The following CCSER1 variants were observed in gnomAD, a reference collection of about 807,000 sequenced individuals.
CCSER1 encodes the protein coiled-coil serine rich protein 1.
In CCSER1, 41 loss-of-function variants were observed where a neutral mutation model predicts 82.0. The observed-to-expected ratio is 0.50, with a 90% CI of 0.39 to 0.65. CCSER1 has a LOEUF of 0.65. Among genes scored for constraint, CCSER1 ranks in the 30% least tolerant of loss-of-function variants. The pLI is 0.00. For synonymous variants in CCSER1, 414 were observed against 383.9 expected (o/e 1.08, Z -0.92); for missense variants, 1,119 against 1,064.2 (o/e 1.05, Z -0.72).
intron 10 of CCSER1, among the ~76,000 whole-genome samples, chr4:91,591,259 A>G (rs1764256902): frequency 6.6e-6 from 1 of 152,162 alleles, no homozygotes; most frequent in Non-Finnish European, 1.5e-5. Flanking sequence ...ATAAATTTCA[A>G]TATTTTATTC....
chr4:91,229,595 T>C (rs62311974), intron 10 of CCSER1, among the ~76,000 whole-genome samples: 5,640 of 152,100 alleles, frequency 0.037, 174 homozygotes, highest in African/African-American at 0.079. Context: ...CAAATGCCCA[T>C]CAATGATAGA....
intron 8 of CCSER1, among the ~76,000 whole-genome samples, chr4:90,863,046 A>G (rs909970852): frequency 6.6e-6 from 1 of 150,486 alleles, no homozygotes; most frequent in Non-Finnish European, 1.5e-5. Context: ...CCATTAACTC[A>G]TCATTTAGCA....
intron 3 of CCSER1, among the ~76,000 whole-genome samples, chr4:90,361,662 G>T (rs1442843140): frequency 6.6e-6 from 1 of 152,150 alleles, no homozygotes; most frequent in Non-Finnish European, 1.5e-5. Flanking sequence ...TTTGCCTCTC[G>T]TCTAGCAGTC....
chr4:90,946,504 G>A (rs1051563285), intron 9 of CCSER1, among the ~76,000 whole-genome samples: 1 of 151,710 alleles, frequency 6.6e-6, no homozygotes, highest in Non-Finnish European at 1.5e-5. Context: ...GGTTCCAGGC[G>A]CCTCTAATCC....
intron 5 of CCSER1, among the ~76,000 whole-genome samples, chr4:90,490,113 G>T (rs905391830): frequency 1.3e-5 from 2 of 152,144 alleles, no homozygotes; most frequent in Non-Finnish European, 2.9e-5. Flanking sequence ...TTCCACAATG[G>T]TTGAACCAGT....
At chr4:90,876,290 C>G (rs1465060263) in intron 8 of CCSER1, among the ~76,000 whole-genome samples, 1 of 151,912 alleles carries the variant, frequency 6.6e-6, no homozygotes, top group Admixed American at 6.6e-5. Context: ...AATTTTTATT[C>G]TAACTCCAAG....
rs931731745 is a variant in CCSER1 at position 91,598,976 on chromosome 4, C to T, written c.2622C>T (p.His874=). The T allele has an allele frequency of 3.8e-5, 59 of 1,551,424 alleles. No individual in the cohort carries two copies. In the Admixed American group the frequency reaches 1.0e-3, roughly 27 times the overall value. ...GQPPRGPISL[H]MYSRKNVFLH... is the part of the protein sequence containing the mutation. The stretch of plus-strand genomic sequence containing the variant: ...CACCCAGAGGGCCAATCTCTTTACA[C>T]ATGTACAGCAGGAAGAATGTGTTTC... The change falls in exon 11 of 11, where the codon CAC becomes CAT. Residue 874 remains histidine (H), a synonymous_variant. Transcript: ENST00000509176.
chr4:90,155,577 G>A (rs1344559718), intron 1 of CCSER1, among the ~76,000 whole-genome samples: 1 of 152,164 alleles, frequency 6.6e-6, no homozygotes, highest in Non-Finnish European at 1.5e-5. Flanking sequence ...GGTCTATTCA[G>A]AGATTCAACT....
intron 5 of CCSER1, among the ~76,000 whole-genome samples, chr4:90,586,235 G>A (rs1366852013): frequency 1.3e-5 from 2 of 152,118 alleles, no homozygotes; most frequent in Admixed American, 6.6e-5. Flanking sequence ...TGCTCCTTGT[G>A]AGACTCCATT....
intron 6 of CCSER1, among the ~76,000 whole-genome samples, chr4:90,668,817 G>T (rs867260717): frequency 6.6e-6 from 1 of 152,050 alleles, no homozygotes; most frequent in African/African-American, 2.4e-5. Context: ...GATTGGGACT[G>T]CTGGTTATTT....
intron 10 of CCSER1, among the ~76,000 whole-genome samples, chr4:91,379,351 G>T (rs1160473611): frequency 6.6e-6 from 1 of 152,122 alleles, no homozygotes; most frequent in Non-Finnish European, 1.5e-5. Flanking sequence ...TGTACCTCTG[G>T]TAGAATTCGG....
At chr4:90,320,727 A>C (rs777624300) in intron 3 of CCSER1, among the ~76,000 whole-genome samples, 1 of 152,126 alleles carries the variant, frequency 6.6e-6, no homozygotes, top group Non-Finnish European at 1.5e-5. Context: ...GAATAAAAAT[A>C]TTCCATTCAT....
At chr4:90,249,714 T>C (rs1046810803) in intron 1 of CCSER1, among the ~76,000 whole-genome samples, 4 of 152,320 alleles carry the variant, frequency 2.6e-5, no homozygotes, top group Middle Eastern at 3.4e-3. Context: ...TGTATGGATC[T>C]ACCACATGTA....
intron 10 of CCSER1, among the ~76,000 whole-genome samples, chr4:91,229,969 T>C (rs1738496903): frequency 6.6e-6 from 1 of 152,184 alleles, no homozygotes; most frequent in Non-Finnish European, 1.5e-5. Flanking sequence ...ATTTGCCCAT[T>C]CTGCACATGA....
At chr4:90,953,533 A>G (rs1163536425) in intron 9 of CCSER1, among the ~76,000 whole-genome samples, 1 of 151,614 alleles carries the variant, frequency 6.6e-6, no homozygotes, top group Non-Finnish European at 1.5e-5. Context: ...TTGAAAGCTA[A>G]ATAAATATGA....
chr4:90,997,926 G>A (rs1228438038), intron 9 of CCSER1, among the ~76,000 whole-genome samples: 2 of 152,082 alleles, frequency 1.3e-5, no homozygotes, highest in Non-Finnish European at 2.9e-5. Context: ...TTGAAGTCCA[G>A]CTCTGTAAAG....
chr4:90,910,102 GAC>G (rs1726105629), intron 8 of CCSER1, among the ~76,000 whole-genome samples: 1 of 152,170 alleles, frequency 6.6e-6, no homozygotes, highest in African/African-American at 2.4e-5. Context: ...TGGCAGGAAA[GAC>G]AGAGAGAGAG....
rs547475041 is a variant in CCSER1, at chr4:90,236,893, G to A, written c.-41-71351G>A. On this transcript the variant is annotated intron_variant, in intron 1 of 10. Transcript: ENST00000509176. ...GTGTGTATGTGTGTATATTTAGCAC[G>A]CATTTTTCTTTTTATTTGATTAGGT... is the stretch of plus-strand genomic sequence containing the variant. Among the ~76,000 whole-genome samples, 19 of 152,064 alleles carry A rather than the reference G, an allele frequency of 1.2e-4. No homozygotes were observed. In the East Asian group the frequency reaches 2.1e-3, roughly 17 times the overall value.
At chr4:90,667,424 A>G (rs1579828001) in intron 6 of CCSER1, among the ~76,000 whole-genome samples, 1 of 152,082 alleles carries the variant, frequency 6.6e-6, no homozygotes, top group East Asian at 1.9e-4. Context: ...TACCTGTGCC[A>G]TGGCGGTTTG....
Sources: gnomAD v4.1 joint callset for allele counts (sites outside exome capture counted in the v4.1 genomes callset) on GRCh38, gnomAD v4.1.1 for gene constraint, MANE v1.5 for transcripts, NCBI Gene and HGNC (gene_info 2026-07-23, HGNC 2026-07-21) for gene names.